GPR158: variants seen among roughly 807,000 people sequenced by gnomAD.
GPR158 encodes metabotropic glycine receptor.
A neutral mutation model predicts 78.2 loss-of-function variants in GPR158; 30 were observed. The observed-to-expected ratio is 0.38, with a 90% confidence interval of 0.29 to 0.52. GPR158 has a LOEUF of 0.52. Among genes scored for constraint, GPR158 ranks in the 20% least tolerant of loss-of-function variants. The pLI, the probability that GPR158 is intolerant of heterozygous loss-of-function variation, is 0.83. For synonymous variants in GPR158, 581 were observed against 591.1 expected (o/e 0.98, Z 0.25); for missense variants, 1,463 against 1,523.5 (o/e 0.96, Z 0.66).
rs1027783901 is a variant in GPR158, at chr10:25,176,989, T to C, written c.902+667T>C. Among the ~76,000 whole-genome samples, 2 of 152,144 alleles carry C rather than the reference T, an allele frequency of 1.3e-5. No individual in the cohort carries two copies. The highest frequency in any genetic ancestry group is 1.3e-4 in the Admixed American group (2 of 15,274). On this transcript the variant is annotated intron_variant, in intron 1 of 10. Transcript: ENST00000376351. This position sits in a 1 kb window ranked among gnomAD's most constrained non-coding sequence, Gnocchi z 6.3. ...CGGTCTCCCCTCTCCCCGCAATTGA[T>C]CTTTCCTTCCTCGGTGGCCTTTTCC...
chr10:25,523,214 C>A (rs1457399858), intron 5 of GPR158, among the ~76,000 whole-genome samples: 1 of 152,132 alleles, frequency 6.6e-6, no homozygotes, highest in Non-Finnish European at 1.5e-5. Flanking sequence ...CAGTGGGAGC[C>A]CTGAACAAAA....
At chr10:25,315,977 T>C (rs543328689) in intron 2 of GPR158, among the ~76,000 whole-genome samples, 3 of 152,292 alleles carry the variant, frequency 2.0e-5, no homozygotes, top group East Asian at 3.9e-4. Context: ...TTCTACATAC[T>C]TGATACTTGA....
chr10:25,525,137 G>A (rs1836330392), intron 5 of GPR158, among the ~76,000 whole-genome samples: 1 of 152,108 alleles, frequency 6.6e-6, no homozygotes, highest in Non-Finnish European at 1.5e-5. Context: ...AATGAGTGTT[G>A]GCGAGGAGGT....
intron 2 of GPR158, among the ~76,000 whole-genome samples, chr10:25,280,632 A>G (rs1395609580): frequency 2.6e-5 from 4 of 152,222 alleles, no homozygotes. Flanking sequence ...GCAGTCTCAA[A>G]TTACAGACTG....
chr10:25,501,203 G>A (rs1835942467), intron 5 of GPR158, among the ~76,000 whole-genome samples: 1 of 152,060 alleles, frequency 6.6e-6, no homozygotes, highest in Non-Finnish European at 1.5e-5. Context: ...GCCGGGAGTG[G>A]GATAGGTTAG....
chr10:25,367,208 C>T (rs1196541738), intron 2 of GPR158, among the ~76,000 whole-genome samples: 1 of 151,550 alleles, frequency 6.6e-6, no homozygotes, highest in East Asian at 1.9e-4. Flanking sequence ...TATATTTCTA[C>T]ATAGGGCTAC....
chr10:25,233,840 C>T (rs959875721), intron 2 of GPR158, among the ~76,000 whole-genome samples: 7 of 152,116 alleles, frequency 4.6e-5, no homozygotes, highest in African/African-American at 1.7e-4. Flanking sequence ...GAGGAGAATC[C>T]AGTTGTCTTG....
chr10:25,319,542 G>A (rs1441009082), intron 2 of GPR158, among the ~76,000 whole-genome samples: 3 of 152,046 alleles, frequency 2.0e-5, no homozygotes, highest in Non-Finnish European at 2.9e-5. Flanking sequence ...TAATGTGAAC[G>A]GGTAAAATTC....
chr10:25,325,683 T>G (rs1392867285), intron 2 of GPR158, among the ~76,000 whole-genome samples: 1 of 152,128 alleles, frequency 6.6e-6, no homozygotes, highest in Non-Finnish European at 1.5e-5. Flanking sequence ...TTGAGGAGCT[T>G]TCATACCATT....
intron 1 of GPR158, among the ~76,000 whole-genome samples, chr10:25,204,566 T>G (rs1425925931): frequency 6.6e-6 from 1 of 152,172 alleles, no homozygotes; most frequent in African/African-American, 2.4e-5. Flanking sequence ...TATTGATTTG[T>G]GTATGTTGAG....
chr10:25,591,967 T>A (rs1837346719), intron 8 of GPR158, among the ~76,000 whole-genome samples: 1 of 152,016 alleles, frequency 6.6e-6, no homozygotes. Flanking sequence ...AATGTCTTAT[T>A]TACATATGGC....
chr10:25,387,501 T>C (rs983299362), intron 2 of GPR158, among the ~76,000 whole-genome samples: 2 of 141,828 alleles, frequency 1.4e-5, no homozygotes, highest in African/African-American at 5.3e-5. Flanking sequence ...TTTGGGAATG[T>C]TCCTTTCTCT....
chr10:25,205,038 A>G (rs1156674003), intron 1 of GPR158, among the ~76,000 whole-genome samples: 1 of 152,040 alleles, frequency 6.6e-6, no homozygotes, highest in African/African-American at 2.4e-5. Flanking sequence ...TGATTTTATA[A>G]GGGGAAACCC....
At chr10:25,472,305 C>G (rs1428136155) in intron 5 of GPR158, among the ~76,000 whole-genome samples, 2 of 151,882 alleles carry the variant, frequency 1.3e-5, no homozygotes, top group African/African-American at 4.8e-5. Flanking sequence ...GGGCTCTGTT[C>G]TGTTCCATTG....
At chr10:25,250,482 G>A (rs1273657267) in intron 2 of GPR158, among the ~76,000 whole-genome samples, 13 of 146,338 alleles carry the variant, frequency 8.9e-5, no homozygotes, top group Non-Finnish European at 1.5e-4. Context: ...ACACTGCTTT[G>A]AATGTGTCCC....
At position 25,364,502 on chromosome 10, in the gene GPR158, C is replaced by T. The variant is rs150105673; in HGVS notation, c.1009-31409C>T. Among the ~76,000 whole-genome samples the T allele has an allele frequency of 5.8e-3, 886 of 151,928 alleles. 3 individuals carry two copies. Among genetic ancestry groups the T allele is most frequent in the Non-Finnish European group, 0.01 (687 of 67,874 alleles). On this transcript the variant is annotated intron_variant, in intron 2 of 10. Transcript: ENST00000376351. ...ATCCCTGATTCGCCATTGCAACAGA[C>T]GATCTCACAAAGGAAATGAGGGTAC... is the stretch of plus-strand genomic sequence containing the variant.
intron 5 of GPR158, among the ~76,000 whole-genome samples, chr10:25,536,159 A>G (rs2130698489): frequency 6.6e-6 from 1 of 152,268 alleles, no homozygotes; most frequent in East Asian, 1.9e-4. Context: ...GGTAGCTCAT[A>G]TATTTGTATT....
chr10:25,433,593 A>T (rs1344337791), intron 4 of GPR158, among the ~76,000 whole-genome samples: 1 of 150,592 alleles, frequency 6.6e-6, no homozygotes, highest in Non-Finnish European at 1.5e-5. Context: ...GCGCGTGCGC[A>T]TATATGAATG....
chr10:25,330,880 A>G (rs1855110247), intron 2 of GPR158, among the ~76,000 whole-genome samples: 1 of 152,226 alleles, frequency 6.6e-6, no homozygotes, highest in South Asian at 2.1e-4. Flanking sequence ...TATATATTGA[A>G]TGCCCAAATT....
Sources: allele counts gnomAD v4.1 joint callset (sites outside exome capture counted in the v4.1 genomes callset), GRCh38; gene constraint gnomAD v4.1.1; non-coding constraint Gnocchi (gnomAD v3.1); transcripts MANE v1.5; gene names NCBI Gene and HGNC (gene_info 2026-07-23, HGNC 2026-07-21).